The following FBN2 variants were observed in gnomAD, a reference collection of about 807,000 sequenced individuals.
FBN2 encodes fibrillin 2.
FBN2 carries 105 observed loss-of-function variants against 355.6 expected under a neutral mutation model. The observed-to-expected ratio is 0.30, with a 90% CI of 0.25 to 0.35. The LOEUF is 0.35. Among genes scored for constraint, FBN2 ranks in the 10% least tolerant of loss-of-function variants. FBN2 has a pLI of 1.00. For missense variants in FBN2, 3,280 were observed against 3,758.7 expected, an observed-to-expected ratio of 0.87 and a Z score of 3.33; for synonymous variants, 1,350 against 1,301.2, an observed-to-expected ratio of 1.04 and a Z score of -0.81.
At chr5:128,264,337 G>A (rs926557495) in intron 62 of FBN2, among the ~76,000 whole-genome samples, 4 of 9,738 alleles carry the variant, frequency 4.1e-4, no homozygotes, top group Non-Finnish European at 7.2e-4. Context: ...TCAGTTGAAC[G>A]AACAACTAGT....
intron 11 of FBN2, among the ~76,000 whole-genome samples, chr5:128,381,134 T>TACTACTCCAAAATAGAGTG (rs1211601611): frequency 6.6e-6 from 1 of 152,112 alleles, no homozygotes; most frequent in Non-Finnish European, 1.5e-5. Context: ...AATTATTTTT[T>TACTACTCCAAAATAGAGTG]ACTACTCCAA....
intron 2 of FBN2, 82 bp downstream of exon 2, chr5:128,536,320 T>A: frequency 1.9e-6 from 2 of 1,053,842 alleles, no homozygotes; most frequent in Non-Finnish European, 2.9e-6. Context: ...CAACTATGCG[T>A]CCAAATGGCT....
intron 5 of FBN2, among the ~76,000 whole-genome samples, chr5:128,472,608 A>G (rs1267982600): frequency 6.6e-6 from 1 of 152,070 alleles, no homozygotes; most frequent in Non-Finnish European, 1.5e-5. Flanking sequence ...CCTGACCAAC[A>G]TGGAGAAACC....
chr5:128,395,704 G>A (rs556304995), intron 8 of FBN2, among the ~76,000 whole-genome samples: 1 of 152,338 alleles, frequency 6.6e-6, no homozygotes, highest in Non-Finnish European at 1.5e-5. Flanking sequence ...ATGAGCCATG[G>A]AAGTATCTGA....
chr5:128,318,756 T>C (rs2126854404), intron 35 of FBN2, 123 bp downstream of exon 35: 2 of 952,394 alleles, frequency 2.1e-6, no homozygotes, highest in Non-Finnish European at 3.2e-6. Flanking sequence ...AATTTTCTTT[T>C]TCTGAAAAAT....
Position 128,429,728 on chromosome 5 carries a change from T to C in FBN2, c.952+16753A>G, listed in dbSNP as rs952129733. Among the ~76,000 whole-genome samples the C allele has an allele frequency of 2.6e-5, 4 of 152,214 alleles. No homozygotes were observed. The South Asian group carries it at 8.3e-4, about 31-fold the overall frequency. On this transcript the variant is annotated intron_variant, in intron 7 of 64. Transcript: ENST00000262464. ...CTTCCTGTTTTGCTTTACTTGTTAATTATGAGAAATATTTCTTCTATCATA... is the reference window on the plus strand; with the variant it reads ...CTTCCTGTTTTGCTTTACTTGTTAACTATGAGAAATATTTCTTCTATCATA...
intron 7 of FBN2, among the ~76,000 whole-genome samples, chr5:128,411,581 G>A (rs1753064329): frequency 6.6e-6 from 1 of 152,200 alleles, no homozygotes; most frequent in African/African-American, 2.4e-5. Flanking sequence ...ACATTCAGAT[G>A]CTTCTTCTCT....
intron 48 of FBN2, among the ~76,000 whole-genome samples, chr5:128,298,116 G>A (rs1433468919): frequency 6.6e-6 from 1 of 151,388 alleles, no homozygotes; most frequent in Non-Finnish European, 1.5e-5. Flanking sequence ...GGCTGGATAT[G>A]AAATTCTGGG....
At chr5:128,368,455 CACATATATATACATATATAT>C (rs148416062) in intron 16 of FBN2, among the ~76,000 whole-genome samples, 8 of 132,012 alleles carry the variant, frequency 6.1e-5, no homozygotes, top group South Asian at 2.4e-4. Context: ...CATATATATA[CACATATATATACATATATAT>C]ACATATATAT....
At chr5:128,492,008 T>C (rs980211481) in intron 5 of FBN2, among the ~76,000 whole-genome samples, 1 of 152,192 alleles carries the variant, frequency 6.6e-6, no homozygotes, top group Admixed American at 6.5e-5. Flanking sequence ...TTTCTCCTTT[T>C]GTAAAATCAG....
chr5:128,306,940 A>T (rs1749900800), intron 42 of FBN2, among the ~76,000 whole-genome samples, 195 bp downstream of exon 42: 1 of 152,168 alleles, frequency 6.6e-6, no homozygotes, highest in Admixed American at 6.5e-5. Flanking sequence ...CAATCACCAG[A>T]CTACGCTGAT....
At chr5:128,265,767 T>C (rs1765100449) in intron 62 of FBN2, among the ~76,000 whole-genome samples, 1 of 152,250 alleles carries the variant, frequency 6.6e-6, no homozygotes, top group Non-Finnish European at 1.5e-5. Flanking sequence ...GAAAACTTCC[T>C]AAAGTGTTAG....
Position 128,328,618 on chromosome 5 carries a change from C to T in FBN2, c.4471+78G>A, listed in dbSNP as rs746049764. Reference sequence around the variant, plus strand: ...CTATGTATTCTGCTTCCAGGTGGAGCTTGTTCCAGCCCTTGTTGTGGTTTC... The same window carrying T: ...CTATGTATTCTGCTTCCAGGTGGAGTTTGTTCCAGCCCTTGTTGTGGTTTC... On this transcript the variant is annotated intron_variant, in intron 34 of 64. Coordinates refer to ENST00000262464, the MANE Select transcript of FBN2 (RefSeq NM_001999.4). 3 of 1,502,950 alleles carry T rather than the reference C, an allele frequency of 2.0e-6. No individual in the cohort carries two copies. The African/African-American group carries it at 4.1e-5, about 21-fold the overall frequency. The allele number at this position is 1,502,950 out of a possible 1,614,324, so 93.1% of individuals were successfully genotyped here. A position where few individuals can be genotyped will look rare whatever the true frequency, so the allele number is the denominator to read the frequency against.
rs532089608 is a variant in FBN2 at position 128,455,062 on chromosome 5, G to C, written c.827-8456C>G. Among the ~76,000 whole-genome samples, 3 of 152,170 alleles carry C rather than the reference G, an allele frequency of 2.0e-5. No homozygotes were observed. In the South Asian group the frequency reaches 6.2e-4, roughly 32 times the overall value. On this transcript the variant is annotated intron_variant, in intron 6 of 64. Coordinates refer to ENST00000262464, the MANE Select transcript of FBN2 (RefSeq NM_001999.4). ...AATTTTAGGAGCACCCTGTTCATTT[G>C]AAAACCTAAAAGATCCAAAGCCAAG...
chr5:128,378,740 C>T lies in FBN2; in HGVS notation c.1723+31G>A, dbSNP rs757494020. 2.5e-6 allele frequency: 4 copies of T among 1,611,724 alleles called. No individual in the cohort carries two copies. The African/African-American group carries it at 4.0e-5, about 16-fold the overall frequency. On this transcript the variant is annotated intron_variant, in intron 12 of 64. Coordinates refer to ENST00000262464, the MANE Select transcript of FBN2 (RefSeq NM_001999.4). ...GCCTTGGTCACTATATTTCATGGAA[C>T]ATTTTCATATGTGAAAGCAAACTGC...
chr5:128,309,402 A>G lies in FBN2; in HGVS notation c.5201-3T>C, dbSNP rs1057521162. ...GTAGCAAAAGCTTTTTCTCATGTCT[A>G]TATAAAGAAAAACAAAGAAACTAGC... On this transcript the variant is annotated splice_polypyrimidine_tract_variant and splice_region_variant and intron_variant, in intron 40 of 64. Coordinates refer to ENST00000262464, the MANE Select transcript of FBN2 (RefSeq NM_001999.4). 3.1e-6 allele frequency: 5 copies of G among 1,613,404 alleles called. No homozygotes were observed. Among genetic ancestry groups the G allele is most frequent in the Admixed American group, 1.7e-5 (1 of 59,964 alleles).
At chr5:128,423,358 C>T (rs1031922186) in intron 7 of FBN2, among the ~76,000 whole-genome samples, 6 of 152,044 alleles carry the variant, frequency 3.9e-5, no homozygotes, top group South Asian at 2.1e-4. Context: ...CTCCCAATTA[C>T]GGCAGAAGAC....
intron 7 of FBN2, among the ~76,000 whole-genome samples, chr5:128,416,931 T>C (rs1753217486): frequency 6.6e-6 from 1 of 152,164 alleles, no homozygotes; most frequent in African/African-American, 2.4e-5. Context: ...AATCTGTAGA[T>C]TGTTTTGGGT....
chr5:128,321,576 A>G (rs34472039), intron 34 of FBN2, among the ~76,000 whole-genome samples: 22,328 of 152,122 alleles, frequency 0.15, 2,223 homozygotes, highest in Non-Finnish European at 0.22. Flanking sequence ...GTTTGCTGAG[A>G]ATGATGGTTT....
Sources: allele counts gnomAD v4.1 joint callset (sites outside exome capture counted in the v4.1 genomes callset), GRCh38; gene constraint gnomAD v4.1.1; transcripts MANE v1.5; gene names NCBI Gene and HGNC (gene_info 2026-07-23, HGNC 2026-07-21).